The following SLC4A4 variants were observed in gnomAD, a reference collection of about 807,000 sequenced individuals.
The protein encoded by SLC4A4 is electrogenic sodium bicarbonate cotransporter 1.
SLC4A4 carries 27 observed loss-of-function variants against 111.5 expected under a neutral mutation model. The observed-to-expected ratio is 0.24, with a 90% CI of 0.18 to 0.33. The LOEUF is 0.33. Ranked by LOEUF, SLC4A4 falls within the 10% of genes least tolerant of loss-of-function variation. The pLI is 1.00. For synonymous variants in SLC4A4, 443 were observed against 463.4 expected, an observed-to-expected ratio of 0.96 and a Z score of 0.57; for missense variants, 909 against 1,315.5, an observed-to-expected ratio of 0.69 and a Z score of 4.78.
intron 12 of SLC4A4, among the ~76,000 whole-genome samples, chr4:71,464,415 C>A (rs1010412989): frequency 6.6e-6 from 1 of 152,124 alleles, no homozygotes; most frequent in Non-Finnish European, 1.5e-5. Flanking sequence ...TGCTGCCCTT[C>A]CTTGTTATTC....
chr4:71,289,631 C>T (rs983696748), intron 3 of SLC4A4, among the ~76,000 whole-genome samples: 1 of 151,964 alleles, frequency 6.6e-6, no homozygotes, highest in Non-Finnish European at 1.5e-5. Flanking sequence ...AGAGTGATGC[C>T]AAAGATATGG....
chr4:71,472,355 A>G (rs1251017397), intron 13 of SLC4A4, among the ~76,000 whole-genome samples: 4 of 151,954 alleles, frequency 2.6e-5, no homozygotes, highest in Admixed American at 1.3e-4. Context: ...CGTTTATTGA[A>G]CACATTCTAG....
At chr4:71,438,994 G>T in intron 7 of SLC4A4, among the ~76,000 whole-genome samples, 2 of 149,754 alleles carry the variant, frequency 1.3e-5, no homozygotes, top group Non-Finnish European at 1.5e-5. Flanking sequence ...AAATATAATA[G>T]TTCTATCTCA....
intron 7 of SLC4A4, among the ~76,000 whole-genome samples, chr4:71,400,012 A>T (rs1398728121): frequency 6.6e-6 from 1 of 152,310 alleles, no homozygotes; most frequent in Non-Finnish European, 1.5e-5. Context: ...TTTATTTCGC[A>T]CATTTTGTCT....
At chr4:71,537,211 A>G (rs1734582841) in intron 18 of SLC4A4, among the ~76,000 whole-genome samples, 1 of 151,660 alleles carries the variant, frequency 6.6e-6, no homozygotes, top group African/African-American at 2.4e-5. Context: ...TCTGGGTAAC[A>G]GACTCTAATG....
At chr4:71,493,937 T>C (rs997038015) in intron 15 of SLC4A4, among the ~76,000 whole-genome samples, 1 of 152,050 alleles carries the variant, frequency 6.6e-6, no homozygotes, top group African/African-American at 2.4e-5. Context: ...CTCATTGTAC[T>C]TTTTTTACCC....
chr4:71,473,379 C>A (rs1728066116), intron 14 of SLC4A4: 1 of 414,364 alleles, frequency 2.4e-6, no homozygotes, highest in Non-Finnish European at 4.3e-6. Context: ...ACCTTTAATA[C>A]ATGATTTTAA....
chr4:71,085,959 A>T (rs1201904417), intron 1 of SLC4A4, among the ~76,000 whole-genome samples: 1 of 152,006 alleles, frequency 6.6e-6, no homozygotes, highest in Non-Finnish European at 1.5e-5. Context: ...TGGTAGCTTG[A>T]TGGGGATGGC....
At chr4:71,266,252 G>T (rs1334140825) in intron 3 of SLC4A4, among the ~76,000 whole-genome samples, 3 of 152,170 alleles carry the variant, frequency 2.0e-5, no homozygotes, top group Non-Finnish European at 2.9e-5. Context: ...ACCACTGGAT[G>T]TGGTTAGTAG....
chr4:71,559,880 T>C (rs192694534), intron 22 of SLC4A4, among the ~76,000 whole-genome samples: 6 of 151,686 alleles, frequency 4.0e-5, no homozygotes, highest in Non-Finnish European at 1.5e-5. Flanking sequence ...ACAAAGTGAG[T>C]TTCAACTAAG....
chr4:71,551,807 A>T (rs1011529412), intron 20 of SLC4A4, among the ~76,000 whole-genome samples: 10 of 151,890 alleles, frequency 6.6e-5, no homozygotes, highest in African/African-American at 2.4e-5. Flanking sequence ...ATCATACCTC[A>T]TTCCAGTTTC....
intron 3 of SLC4A4, among the ~76,000 whole-genome samples, chr4:71,294,995 A>G (rs902045380): frequency 6.6e-6 from 1 of 152,240 alleles, no homozygotes; most frequent in Admixed American, 6.5e-5. Flanking sequence ...TTACTGTGCT[A>G]TAATTTCAGG....
intron 16 of SLC4A4, among the ~76,000 whole-genome samples, chr4:71,508,457 T>G (rs1034359092): frequency 6.6e-6 from 1 of 152,020 alleles, no homozygotes; most frequent in African/African-American, 2.4e-5. Flanking sequence ...TATTATCCCT[T>G]AATAGTGTTT....
At chr4:71,534,786 A>T (rs1432596108) in intron 18 of SLC4A4, among the ~76,000 whole-genome samples, 1 of 152,132 alleles carries the variant, frequency 6.6e-6, no homozygotes, top group African/African-American at 2.4e-5. Flanking sequence ...ATTCTTAAAG[A>T]TTATTCAGAT....
chr4:71,434,006 C>G (rs1723880505), intron 7 of SLC4A4, among the ~76,000 whole-genome samples: 1 of 151,882 alleles, frequency 6.6e-6, no homozygotes, highest in Admixed American at 6.6e-5. Context: ...GAGTATGATA[C>G]TATTTATAAA....
Position 71,459,783 on chromosome 4 carries a change from C to A in SLC4A4, c.1497+6114C>A, listed in dbSNP as rs1457977405. Among the ~76,000 whole-genome samples, 7 of 151,994 alleles carry A rather than the reference C, an allele frequency of 4.6e-5. No individual in the cohort carries two copies. The East Asian group carries it at 1.3e-3, about 29-fold the overall frequency. On this transcript the variant is annotated intron_variant, in intron 12 of 25. Transcript: ENST00000264485. ...AGGCTATACCAGTTCATATGTCTAC[C>A]AATAACGGACAAGGATGTCCACTTG... is the stretch of plus-strand genomic sequence containing the variant.
At chr4:71,545,365 T>A (rs1371255301) in intron 18 of SLC4A4, among the ~76,000 whole-genome samples, 5 of 151,998 alleles carry the variant, frequency 3.3e-5, no homozygotes, top group Admixed American at 3.3e-4. Context: ...CACATCCTCA[T>A]TTTTTAAAAC....
intron 14 of SLC4A4, among the ~76,000 whole-genome samples, chr4:71,478,958 A>G (rs1479845602): frequency 1.3e-5 from 2 of 151,772 alleles, no homozygotes; most frequent in Non-Finnish European, 2.9e-5. Context: ...TGCAGTGACT[A>G]TATACTCAAG....
chr4:71,311,601 G>T (rs980486164), intron 3 of SLC4A4, among the ~76,000 whole-genome samples: 2 of 152,044 alleles, frequency 1.3e-5, no homozygotes, highest in Non-Finnish European at 2.9e-5. Context: ...GGTAAATAAC[G>T]AAATTAAGGC....
Sources: gnomAD v4.1 joint callset for allele counts (sites outside exome capture counted in the v4.1 genomes callset) on GRCh38, gnomAD v4.1.1 for gene constraint, MANE v1.5 for transcripts, NCBI Gene and HGNC (gene_info 2026-07-23, HGNC 2026-07-21) for gene names.